EPB41L4A: variants seen among roughly 807,000 people sequenced by gnomAD.
EPB41L4A encodes the protein erythrocyte membrane protein band 4.1 like 4A.
A neutral mutation model predicts 108.6 loss-of-function variants in EPB41L4A; 100 were observed. That is an observed-to-expected ratio of 0.92 (90% confidence interval 0.78 to 1.09). The LOEUF is 1.09. Ranked by LOEUF, EPB41L4A falls within the 50% of genes least tolerant of loss-of-function variation. The probability of loss-of-function intolerance (pLI) is 0.00; values close to 1 mark genes in which losing one functional copy is unlikely to be tolerated. For synonymous variants in EPB41L4A, 319 were observed against 289.0 expected, an observed-to-expected ratio of 1.10 and a Z score of -1.05; for missense variants, 1,030 against 842.7, an observed-to-expected ratio of 1.22 and a Z score of -2.75.
chr5:112,180,044 A>T (rs1209904520), intron 18 of EPB41L4A, among the ~76,000 whole-genome samples: 1 of 152,130 alleles, frequency 6.6e-6, no homozygotes. Context: ...TGAAAAATAA[A>T]TTTTCTGAAA....
intron 15 of EPB41L4A, among the ~76,000 whole-genome samples, chr5:112,200,735 A>G (rs1188676529): frequency 1.3e-5 from 2 of 152,216 alleles, no homozygotes; most frequent in Non-Finnish European, 1.5e-5. Context: ...AATTTTGAAA[A>G]TTATATGCAG....
intron 1 of EPB41L4A, among the ~76,000 whole-genome samples, chr5:112,400,255 G>A (rs194279): frequency 0.038 from 5,761 of 151,990 alleles, 121 homozygotes; most frequent in Non-Finnish European, 0.045. Flanking sequence ...TCACTATCAC[G>A]AGAACAGCAT....
rs1554071118 is a variant in EPB41L4A at position 112,165,059 on chromosome 5, G to A, written c.1992C>T (p.Asn664=). ...TTTTTGCTGTGTGTTTTCCAGCCAGGTTGTTTGTAGATGTCTGAGGTTTTT... is the reference window on the plus strand; with the variant it reads ...TTTTTGCTGTGTGTTTTCCAGCCAGATTGTTTGTAGATGTCTGAGGTTTTT... ...MEEKPQTSTN[N]LAGKHTAKTI... is the part of the protein sequence containing the mutation. Residue 664 remains asparagine, a synonymous_variant, in exon 23 of 23, where the codon AAC becomes AAT. Transcript: ENST00000261486. 9 of 1,612,362 alleles carry A rather than the reference G, an allele frequency of 5.6e-6. No homozygotes were observed. Among genetic ancestry groups the A allele is most frequent in the South Asian group, 3.3e-5 (3 of 91,062 alleles).
rs370749483 is a variant in EPB41L4A at position 112,280,329 on chromosome 5, T to C, written c.205-6A>G. ...TTTGCAGGATCCAGCCAATACTGTG[T>C]GAGGAAGAAAAGGACAATTAAAGAA... On this transcript the variant is annotated splice_region_variant and splice_polypyrimidine_tract_variant and intron_variant, in intron 2 of 22. Coordinates refer to ENST00000261486, the MANE Select transcript of EPB41L4A (RefSeq NM_022140.5). 205 of 1,613,346 alleles carry C rather than the reference T, an allele frequency of 1.3e-4. No homozygotes were observed. The highest frequency in any genetic ancestry group is 1.7e-4 in the Non-Finnish European group (198 of 1,179,416).
At chr5:112,145,331 A>T (rs550901855) in intron 13 of EPB41L4A, among the ~76,000 whole-genome samples, 2 of 152,294 alleles carry the variant, frequency 1.3e-5, no homozygotes, top group African/African-American at 4.8e-5. Context: ...TTTATGTAAA[A>T]TCTCTTCTGC....
downstream of EPB41L4A, chr5:112,158,253 T>G (rs940564759): frequency 6.4e-6 from 1 of 156,638 alleles, no homozygotes; most frequent in African/African-American, 2.4e-5. Context: ...GGTTCCATAT[T>G]TGGGGTAGGG....
rs1472452803 is a variant in EPB41L4A, at chr5:112,262,602, A to G, written c.555-21T>C. 3.7e-6 allele frequency: 6 copies of G among 1,605,018 alleles called. No homozygotes were observed. The East Asian group carries it at 1.1e-4, about 30-fold the overall frequency. Reference sequence around the variant, plus strand: ...GACCCCTACACCCAGCACAAAAACAAAGAGCCTTATTTTACAGCAGCTACT... The same window carrying G: ...GACCCCTACACCCAGCACAAAAACAGAGAGCCTTATTTTACAGCAGCTACT... On this transcript the variant is annotated intron_variant, in intron 6 of 22. Transcript: ENST00000261486.
At chr5:112,149,626 G>GA (rs1224478763) in intron 12 of EPB41L4A, among the ~76,000 whole-genome samples, 2 of 152,184 alleles carry the variant, frequency 1.3e-5, no homozygotes, top group Non-Finnish European at 1.5e-5. Context: ...GGAACAAATT[G>GA]AAAAAACCTC....
At chr5:112,400,536 G>A (rs777708099) in intron 1 of EPB41L4A, among the ~76,000 whole-genome samples, 2 of 151,972 alleles carry the variant, frequency 1.3e-5, no homozygotes, top group African/African-American at 2.4e-5. Flanking sequence ...GTGGGAACAG[G>A]AGCAAGAAAG....
chr5:112,169,631 T>C (rs1760458461), intron 20 of EPB41L4A, among the ~76,000 whole-genome samples: 1 of 152,232 alleles, frequency 6.6e-6, no homozygotes, highest in Admixed American at 6.5e-5. Flanking sequence ...AAACATCAGA[T>C]TGTATAAACA....
intron 1 of EPB41L4A, among the ~76,000 whole-genome samples, chr5:112,356,531 C>T (rs1225246638): frequency 6.6e-6 from 1 of 152,190 alleles, no homozygotes; most frequent in Non-Finnish European, 1.5e-5. Flanking sequence ...CTAGAAAGTG[C>T]TTTAATAATA....
intron 10 of EPB41L4A, among the ~76,000 whole-genome samples, chr5:112,240,185 C>T (rs1749666276): frequency 1.3e-5 from 2 of 152,132 alleles, no homozygotes. Context: ...CTCATCCTGC[C>T]CTCTAATGTC....
intron 1 of EPB41L4A, among the ~76,000 whole-genome samples, chr5:112,412,793 GC>G (rs765787154): frequency 6.6e-6 from 1 of 152,214 alleles, no homozygotes; most frequent in Non-Finnish European, 1.5e-5. Context: ...AGAGGCAGGA[GC>G]CGTAGATGCA....
intron 12 of EPB41L4A, among the ~76,000 whole-genome samples, chr5:112,227,608 T>C: frequency 6.6e-6 from 1 of 152,212 alleles, no homozygotes; most frequent in East Asian, 1.9e-4. Context: ...TCCAGCTTAC[T>C]GGATCGCACT....
chr5:112,197,411 G>A (rs557621936), intron 15 of EPB41L4A, among the ~76,000 whole-genome samples: 1 of 152,184 alleles, frequency 6.6e-6, no homozygotes, highest in East Asian at 1.9e-4. Context: ...AGCAATATGT[G>A]GTCTCTGTTC....
chr5:112,393,594 A>C (rs1032238226), intron 1 of EPB41L4A, among the ~76,000 whole-genome samples: 1 of 152,234 alleles, frequency 6.6e-6, no homozygotes, highest in Non-Finnish European at 1.5e-5. Flanking sequence ...TTGAAGCAAT[A>C]ATTAATAACC....
intron 1 of EPB41L4A, among the ~76,000 whole-genome samples, chr5:112,369,976 C>T (rs547511328): frequency 1.3e-5 from 2 of 152,272 alleles, no homozygotes; most frequent in East Asian, 3.9e-4. Flanking sequence ...CGATTTTATC[C>T]ACTTGTTTCT....
intron 2 of EPB41L4A, among the ~76,000 whole-genome samples, chr5:112,291,794 T>G (rs551293921): frequency 6.6e-6 from 1 of 152,296 alleles, no homozygotes; most frequent in African/African-American, 2.4e-5. Flanking sequence ...CAGGAGGGCA[T>G]AGAAGTTCCA....
Position 112,370,585 on chromosome 5 carries a change from A to G in EPB41L4A, c.99+48356T>C, listed in dbSNP as rs531949879. On this transcript the variant is annotated intron_variant, in intron 1 of 22. Transcript: ENST00000261486. ...TAAAAATATACATGGATTTTTAGAA[A>G]AGTTCGATTTTCCAGTTACAAACCC... 5.3e-5 allele frequency among the ~76,000 whole-genome samples: 8 copies of G among 152,346 alleles called. No individual in the cohort carries two copies. In the South Asian group the frequency reaches 1.7e-3, roughly 32 times the overall value.
Sources: allele counts gnomAD v4.1 joint callset (sites outside exome capture counted in the v4.1 genomes callset), GRCh38; gene constraint gnomAD v4.1.1; transcripts MANE v1.5; gene names NCBI Gene and HGNC (gene_info 2026-07-23, HGNC 2026-07-21).